The following CPS1 variants were observed in gnomAD, a reference collection of about 807,000 sequenced individuals.
CPS1 encodes the protein carbamoyl-phosphate synthase 1.
Under a neutral mutation model 174.6 loss-of-function variants are expected in CPS1, and 109 were observed. The ratio of observed to expected loss-of-function variants is 0.62; its 90% CI spans 0.53 to 0.73. The LOEUF is 0.73. CPS1 is among the 30% of genes least tolerant of loss of function. CPS1 has a pLI of 0.00. For missense variants in CPS1, 1,689 were observed against 1,821.9 expected, an observed-to-expected ratio of 0.93 and a Z score of 1.33; for synonymous variants, 637 against 632.0, an observed-to-expected ratio of 1.01 and a Z score of -0.12.
intron 11 of CPS1, chr2:210,593,425 A>G (rs1698377357): frequency 8.7e-6 from 9 of 1,033,004 alleles, no homozygotes; most frequent in Middle Eastern, 4.8e-4. Context: ...GAGGGCATGC[A>G]TGCACATACA....
At chr2:210,574,677 T>C (rs1032660086) in intron 2 of CPS1, among the ~76,000 whole-genome samples, 1 of 152,092 alleles carries the variant, frequency 6.6e-6, no homozygotes, top group African/African-American at 2.4e-5. Context: ...TCTGTGATAG[T>C]TTACAGGTAA....
At position 210,588,565 on chromosome 2, in the gene CPS1, T is replaced by C. The variant is rs1015376334; in HGVS notation, c.711+418T>C. Reference sequence around the variant, plus strand: ...CCCTGACAGAGTACGAACTTTCACATTGTTTTTATATCAACTCTTAGACAA... The same window carrying C: ...CCCTGACAGAGTACGAACTTTCACACTGTTTTTATATCAACTCTTAGACAA... On this transcript the variant is annotated intron_variant, in intron 7 of 37. Transcript: ENST00000233072. Among the ~76,000 whole-genome samples, 96 of 152,098 alleles carry C rather than the reference T, an allele frequency of 6.3e-4. 1 individual carries two copies. Among genetic ancestry groups the C allele is most frequent in the Non-Finnish European group, 1.5e-4 (10 of 68,006 alleles).
intron 4 of CPS1, 27 bp downstream of exon 4, chr2:210,577,537 A>G (rs1207243868): frequency 6.5e-7 from 1 of 1,535,976 alleles, no homozygotes. Flanking sequence ...GGCATCCATC[A>G]TCACCTAAGG....
At chr2:210,636,818 T>A (rs116447870) in intron 21 of CPS1, among the ~76,000 whole-genome samples, 1 of 152,118 alleles carries the variant, frequency 6.6e-6, no homozygotes, top group East Asian at 1.9e-4. Flanking sequence ...GTAAAAGGAA[T>A]GTTAAAGGTA....
rs906885333 is a variant in CPS1 at position 210,608,430 on chromosome 2, A to G, written c.2262A>G (p.Val754=). 10 of 1,612,436 alleles carry G rather than the reference A, an allele frequency of 6.2e-6. No individual in the cohort carries two copies. Among genetic ancestry groups the G allele is most frequent in the Non-Finnish European group, 7.6e-6 (9 of 1,179,002 alleles). Residue 754 remains valine, a synonymous_variant, in exon 19 of 38, where the codon GTA becomes GTG. Coordinates refer to ENST00000233072, the MANE Select transcript of CPS1 (RefSeq NM_001875.5). ...CACTTCCAGAAATTAAGAACGTCGT[A>G]TCCGGGAAGACATCAGCCTGTTTTG... is the stretch of plus-strand genomic sequence containing the variant. ...GIPLPEIKNV[V]SGKTSACFEP...
chr2:210,525,301 C>G (rs1459387186), intron 1 of CPS1, among the ~76,000 whole-genome samples: 1 of 151,800 alleles, frequency 6.6e-6, no homozygotes, highest in Non-Finnish European at 1.5e-5. Context: ...GCAAAACCTC[C>G]CTCAGACAAT....
chr2:210,674,607 C>A, intron 34 of CPS1: 2 of 410,248 alleles, frequency 4.9e-6, no homozygotes, highest in Non-Finnish European at 4.5e-6. Context: ...CCTTGTAGAA[C>A]CGAAGTGGAT....
upstream of CPS1, among the ~76,000 whole-genome samples, chr2:210,554,265 ATG>A (rs1472423599): frequency 6.7e-6 from 1 of 148,906 alleles, no homozygotes; most frequent in African/African-American, 2.5e-5. Flanking sequence ...ACATATATAT[ATG>A]TATGTATATA....
In CPS1 at chr2:210,674,934, T is replaced by G. The variant is rs746991241; in HGVS notation, c.4134T>G (p.Ala1378=). The G allele has an allele frequency of 8.1e-6, 13 of 1,613,774 alleles. No homozygotes were observed. The highest frequency in any genetic ancestry group is 1.1e-5 in the Non-Finnish European group (13 of 1,179,780). The part of the protein sequence containing the change: ...QSFRPRFLGV[A]EQLHNEGFKL... ...TCCGGCCAAGATTCCTTGGTGTGGC[T>G]GAACAATTACACAATGAAGGTTTCA... Residue 1378 remains alanine (A), a synonymous_variant, in exon 35 of 38, where the codon GCT becomes GCG. Transcript: ENST00000233072.
At chr2:210,581,974 C>T (rs1470304146) in intron 5 of CPS1, among the ~76,000 whole-genome samples, 2 of 152,090 alleles carry the variant, frequency 1.3e-5, no homozygotes, top group Admixed American at 6.6e-5. Flanking sequence ...AAGTAAATCT[C>T]AAGATACAGC....
At chr2:210,511,838 C>T (rs916224636) in intron 1 of CPS1, among the ~76,000 whole-genome samples, 4 of 152,022 alleles carry the variant, frequency 2.6e-5, no homozygotes, top group African/African-American at 9.7e-5. Context: ...GCATATATAC[C>T]TTGTGTATTT....
chr2:210,674,494 A>T (rs1403509536), intron 34 of CPS1: 1 of 163,584 alleles, frequency 6.1e-6, no homozygotes, highest in African/African-American at 2.4e-5. Flanking sequence ...CAAAAAAAAA[A>T]AAAAGAAATA....
intron 24 of CPS1, among the ~76,000 whole-genome samples, chr2:210,640,558 A>G (rs977697416): frequency 2.0e-5 from 3 of 152,248 alleles, no homozygotes; most frequent in Non-Finnish European, 4.4e-5. Context: ...GAATTAAAAC[A>G]TAATCACCAG....
At chr2:210,667,087 C>T (rs537256932) in intron 33 of CPS1, among the ~76,000 whole-genome samples, 99 of 152,252 alleles carry the variant, frequency 6.5e-4, no homozygotes, top group African/African-American at 2.3e-3. Flanking sequence ...CTCTTTGAAG[C>T]AATTGTGAAT....
At chr2:210,639,104 TATA>T (rs760837645) in intron 22 of CPS1, 43 bp from the exon 23 acceptor site, 18 of 1,506,548 alleles carry the variant, frequency 1.2e-5, no homozygotes, top group African/African-American at 4.2e-5. Flanking sequence ...TTGAAAAAAT[TATA>T]ATAACATTCT....
intron 1 of CPS1, among the ~76,000 whole-genome samples, chr2:210,478,543 A>T (rs1694470313): frequency 6.6e-6 from 1 of 151,822 alleles, no homozygotes; most frequent in Non-Finnish European, 1.5e-5. Context: ...CTTTCACTTT[A>T]GTTATTGTAG....
intron 1 of CPS1, among the ~76,000 whole-genome samples, chr2:210,511,101 A>G (rs1470838750): frequency 2.6e-5 from 4 of 152,150 alleles, no homozygotes; most frequent in Admixed American, 6.5e-5. Context: ...TTGTGGCACT[A>G]TTCACAATAG....
At chr2:210,505,765 C>T (rs10211666) in intron 1 of CPS1, among the ~76,000 whole-genome samples, 23,965 of 152,212 alleles carry the variant, frequency 0.16, 2,088 homozygotes, top group Admixed American at 0.25. Flanking sequence ...ACGAAGGGTC[C>T]TATGCCCACG....
chr2:210,574,773 T>G (rs1361137567), intron 2 of CPS1, among the ~76,000 whole-genome samples: 5 of 152,076 alleles, frequency 3.3e-5, no homozygotes, highest in Non-Finnish European at 7.4e-5. Context: ...CAAAGTATAT[T>G]TATTCATTTA....
Sources: gnomAD v4.1 joint callset for allele counts (sites outside exome capture counted in the v4.1 genomes callset) on GRCh38, gnomAD v4.1.1 for gene constraint, MANE v1.5 for transcripts, NCBI Gene and HGNC (gene_info 2026-07-23, HGNC 2026-07-21) for gene names.